Variants in PAM observed in about 807,000 individuals in gnomAD.
PAM encodes the protein peptidyl-glycine alpha-amidating monooxygenase.
In PAM, 72 loss-of-function variants were observed where a neutral mutation model predicts 122.1. The observed-to-expected ratio is 0.59, with a 90% confidence interval of 0.49 to 0.72. The LOEUF is 0.72. Among genes scored for constraint, PAM ranks in the 30% least tolerant of loss-of-function variants. The probability of loss-of-function intolerance (pLI) is 0.00; values close to 1 mark genes in which losing one functional copy is unlikely to be tolerated. For missense variants in PAM, 1,106 were observed against 1,183.7 expected (o/e 0.93, Z 0.96); for synonymous variants, 389 against 404.4 (o/e 0.96, Z 0.46).
intron 12 of PAM, among the ~76,000 whole-genome samples, chr5:102,954,858 T>G (rs768121426): frequency 6.6e-6 from 1 of 152,128 alleles, no homozygotes; most frequent in Non-Finnish European, 1.5e-5. Flanking sequence ...GTTTTGTTGG[T>G]CATACCTTTC....
At chr5:103,012,271 G>A (rs946980763) in intron 21 of PAM, among the ~76,000 whole-genome samples, 33 of 152,020 alleles carry the variant, frequency 2.2e-4, no homozygotes, top group African/African-American at 7.5e-4. Context: ...AACTTGATGC[G>A]ATCCCATTTG....
intron 7 of PAM, among the ~76,000 whole-genome samples, chr5:102,941,987 A>G (rs1006715460): frequency 2.0e-4 from 31 of 151,916 alleles, no homozygotes; most frequent in Admixed American, 6.6e-5. Context: ...TCTCATACCT[A>G]TGTCCCATCT....
chr5:102,868,241 A>T (rs1786216739), intron 3 of PAM, among the ~76,000 whole-genome samples: 1 of 152,172 alleles, frequency 6.6e-6, no homozygotes, highest in African/African-American at 2.4e-5. Context: ...TGCAGATAAC[A>T]TTCTATTTTT....
At chr5:102,869,101 C>T (rs1786520819) in intron 3 of PAM, among the ~76,000 whole-genome samples, 1 of 152,172 alleles carries the variant, frequency 6.6e-6, no homozygotes, top group East Asian at 1.9e-4. Flanking sequence ...CCTCCTTGCT[C>T]CTTCTCTGAG....
intron 5 of PAM, among the ~76,000 whole-genome samples, chr5:102,922,475 G>A (rs1177364698): frequency 6.6e-6 from 1 of 152,142 alleles, no homozygotes; most frequent in Non-Finnish European, 1.5e-5. Flanking sequence ...GTGTTGTCTG[G>A]AGACAATGTC....
At chr5:102,958,410 G>T (rs1474025334) in intron 12 of PAM, among the ~76,000 whole-genome samples, 2 of 152,134 alleles carry the variant, frequency 1.3e-5, no homozygotes, top group Non-Finnish European at 2.9e-5. Flanking sequence ...GCAGGAAAGA[G>T]AAGGATAATA....
Position 103,013,880 on chromosome 5 carries a change from T to C in PAM, c.2332-3454T>C, listed in dbSNP as rs190744690. Among the ~76,000 whole-genome samples the C allele has an allele frequency of 2.0e-5, 3 of 152,284 alleles. No homozygotes were observed. In the East Asian group the frequency reaches 5.8e-4, roughly 29 times the overall value. Reference sequence around the variant, plus strand: ...AAGATTCCAGTATACATTCCTTTCTTTAGGTTTCTATTTATATAAACAAAT... The same window carrying C: ...AAGATTCCAGTATACATTCCTTTCTCTAGGTTTCTATTTATATAAACAAAT... On this transcript the variant is annotated intron_variant, in intron 21 of 25. Coordinates refer to ENST00000438793, the MANE Select transcript of PAM (RefSeq NM_001177306.2).
chr5:102,764,265 A>G (rs940836560), intron 1 of PAM, among the ~76,000 whole-genome samples: 1 of 150,960 alleles, frequency 6.6e-6, no homozygotes, highest in African/African-American at 2.4e-5. Context: ...TAAGTGTAAC[A>G]TATATATTAA....
intron 19 of PAM, 25 bp downstream of exon 19, chr5:103,007,036 C>A: frequency 6.6e-7 from 1 of 1,511,224 alleles, no homozygotes; most frequent in South Asian, 1.2e-5. Context: ...TCTTAATCTC[C>A]AGTTGTAATT....
In PAM at chr5:102,928,297, T is replaced by C. The variant is rs558659875; in HGVS notation, c.526+1629T>C. On this transcript the variant is annotated intron_variant, in intron 7 of 25. Transcript: ENST00000438793. ...TGATATATGCTTGTTTTTAAAAATATGTTACTGTAATAATTTCTTATAAGG... is the reference window on the plus strand; with the variant it reads ...TGATATATGCTTGTTTTTAAAAATACGTTACTGTAATAATTTCTTATAAGG... 7.2e-5 allele frequency among the ~76,000 whole-genome samples: 11 copies of C among 152,344 alleles called. No individual in the cohort carries two copies. In the East Asian group the frequency reaches 2.1e-3, roughly 29 times the overall value.
At position 102,925,194 on chromosome 5, in the gene PAM, A is replaced by C; in HGVS notation, c.442+152A>C. The C allele has an allele frequency of 4.9e-6, 3 of 607,370 alleles. No homozygotes were observed. In the South Asian group the frequency reaches 6.8e-5, roughly 14 times the overall value. The allele number at this position is 607,370 out of a possible 1,614,324, so 37.6% of individuals were successfully genotyped here. A position where few individuals can be genotyped will look rare whatever the true frequency, so the allele number is the denominator to read the frequency against. ...ACTTGCATTACCTCTTTTGTATTGAAAAGGTTTCATTTAGGTAGTTACTCT... is the reference window on the plus strand; with the variant it reads ...ACTTGCATTACCTCTTTTGTATTGACAAGGTTTCATTTAGGTAGTTACTCT... On this transcript the variant is annotated intron_variant, in intron 6 of 25. Transcript: ENST00000438793.
intron 16 of PAM, among the ~76,000 whole-genome samples, chr5:102,993,879 T>C (rs77159540): frequency 0.023 from 3,534 of 152,224 alleles, 136 homozygotes; most frequent in African/African-American, 0.081. Flanking sequence ...TCGTCTGACC[T>C]AGATCATGTC....
chr5:102,892,462 G>A (rs1300713733), intron 3 of PAM, among the ~76,000 whole-genome samples: 2 of 151,760 alleles, frequency 1.3e-5, no homozygotes, highest in Non-Finnish European at 1.5e-5. Context: ...CATTCTTAGT[G>A]ATAGTAAACA....
At chr5:102,986,232 A>C (rs1771779640) in intron 15 of PAM, among the ~76,000 whole-genome samples, 2 of 152,158 alleles carry the variant, frequency 1.3e-5, no homozygotes, top group African/African-American at 4.8e-5. Flanking sequence ...GTTCTAACCA[A>C]AGCAGTCAGG....
At chr5:102,911,011 G>A (rs2151533732) in intron 4 of PAM, among the ~76,000 whole-genome samples, 1 of 151,976 alleles carries the variant, frequency 6.6e-6, no homozygotes, top group African/African-American at 2.4e-5. Context: ...GAACCTGTCA[G>A]ACCAATCTTT....
chr5:102,949,333 A>C (rs188735780), intron 9 of PAM, among the ~76,000 whole-genome samples: 2 of 147,544 alleles, frequency 1.4e-5, no homozygotes, highest in Non-Finnish European at 3.0e-5. Context: ...GTTTATGAAT[A>C]AAATAAAAAT....
intron 4 of PAM, among the ~76,000 whole-genome samples, chr5:102,904,902 A>C (rs1263929709): frequency 6.6e-6 from 1 of 151,624 alleles, no homozygotes; most frequent in Non-Finnish European, 1.5e-5. Context: ...ATACCATCAC[A>C]GTCATTATGG....
In PAM at chr5:102,961,181, C is replaced by G; in HGVS notation, c.1114C>G (p.Pro372Ala). 1 of 1,577,954 alleles carries G rather than the reference C, an allele frequency of 6.3e-7. No individual in the cohort carries two copies. Among genetic ancestry groups the G allele is most frequent in the South Asian group, 1.1e-5 (1 of 90,324 alleles). ...AGAAACAGAATATAAAGATAAGATT[C>G]CTTTACTACAGCAGCCAAAACGAGA... ...HKETEYKDKI[P>A]LLQQPKREEE... is the part of the protein sequence containing the mutation. Residue 372 changes from proline (P) to alanine (A), a missense_variant, in exon 14 of 26, where the codon CCT becomes GCT. Coordinates refer to ENST00000438793, the MANE Select transcript of PAM (RefSeq NM_001177306.2).
At chr5:102,846,615 G>A (rs1292190713) in intron 1 of PAM, among the ~76,000 whole-genome samples, 2 of 152,192 alleles carry the variant, frequency 1.3e-5, no homozygotes, top group African/African-American at 2.4e-5. Flanking sequence ...ACAAGTGAAA[G>A]AGCAGGCCAC....
Sources: gnomAD v4.1 joint callset for allele counts (sites outside exome capture counted in the v4.1 genomes callset) on GRCh38, gnomAD v4.1.1 for gene constraint, MANE v1.5 for transcripts, NCBI Gene and HGNC (gene_info 2026-07-23, HGNC 2026-07-21) for gene names.